Variants in IMMP2L observed in about 807,000 individuals in gnomAD.
The protein encoded by IMMP2L is inner mitochondrial membrane peptidase subunit 2, also known as mitochondrial inner membrane protease subunit 2.
In IMMP2L, 18 loss-of-function variants were observed where a neutral mutation model predicts 19.3. The observed-to-expected ratio is 0.93, with a 90% confidence interval of 0.64 to 1.38. IMMP2L has a LOEUF of 1.38. IMMP2L is among the 40% of genes most tolerant of loss of function. IMMP2L has a pLI of 0.00. For synonymous variants in IMMP2L, 76 were observed against 73.0 expected (o/e 1.04, Z -0.21); for missense variants, 233 against 218.2 (o/e 1.07, Z -0.43).
At chr7:111,061,186 A>G (rs950838395) in intron 3 of IMMP2L, among the ~76,000 whole-genome samples, 1 of 152,226 alleles carries the variant, frequency 6.6e-6, no homozygotes, top group Non-Finnish European at 1.5e-5. Flanking sequence ...TCAGTGGTGT[A>G]CATGGCATAC....
chr7:111,386,349 T>G (rs1006406491), intron 3 of IMMP2L, among the ~76,000 whole-genome samples: 2 of 152,186 alleles, frequency 1.3e-5, no homozygotes, highest in East Asian at 3.9e-4. Flanking sequence ...ATAAACTGAA[T>G]GTTTAAGATA....
chr7:110,893,169 T>A (rs1274780496), intron 4 of IMMP2L, among the ~76,000 whole-genome samples: 2 of 152,208 alleles, frequency 1.3e-5, no homozygotes, highest in Non-Finnish European at 2.9e-5. Context: ...AATAACATTA[T>A]ATCTAAAAAT....
chr7:110,693,546 T>C (rs1017069910), intron 5 of IMMP2L, among the ~76,000 whole-genome samples: 2 of 152,190 alleles, frequency 1.3e-5, no homozygotes, highest in Non-Finnish European at 2.9e-5. Context: ...TGCTGTATCC[T>C]GAGTGCCTAG....
intron 3 of IMMP2L, among the ~76,000 whole-genome samples, chr7:111,216,382 G>C (rs1811922933): frequency 6.6e-6 from 1 of 152,114 alleles, no homozygotes; most frequent in South Asian, 2.1e-4. Flanking sequence ...TTGAATTTTA[G>C]TTTTGGAATA....
At position 110,663,598 on chromosome 7, in the gene IMMP2L, G is replaced by A. The variant is rs1402124283; in HGVS notation, c.*4C>T. ...ATGCCAGCAACTCAGGTAGATTCAT[G>A]CAGTCATTCCTCTTCTCTCTGTACT... On this transcript the variant is annotated 3_prime_UTR_variant, in exon 6 of 6. Coordinates refer to ENST00000405709, the MANE Select transcript of IMMP2L (RefSeq NM_032549.4). 3 of 1,613,270 alleles carry A rather than the reference G, an allele frequency of 1.9e-6. No homozygotes were observed. Among genetic ancestry groups the A allele is most frequent in the Non-Finnish European group, 2.5e-6 (3 of 1,179,492 alleles).
intron 1 of IMMP2L, among the ~76,000 whole-genome samples, chr7:111,537,525 C>T (rs933598415): frequency 2.2e-5 from 3 of 134,614 alleles, no homozygotes; most frequent in Non-Finnish European, 3.2e-5. Context: ...TCATCACTTC[C>T]ACTTTTTTTT....
At chr7:111,288,104 T>C (rs1332008213) in intron 3 of IMMP2L, among the ~76,000 whole-genome samples, 5 of 152,160 alleles carry the variant, frequency 3.3e-5, no homozygotes, top group Admixed American at 3.3e-4. Context: ...CTTACTGTTG[T>C]TTCCAATGCA....
chr7:111,141,147 A>T lies in IMMP2L; in HGVS notation c.240-177582T>A, dbSNP rs1053742318. ...CTCTGGGGTGACTGGGGATGGAGAA[A>T]GCAAAAGAGAATCAATAAAATTAAC... On this transcript the variant is annotated intron_variant, in intron 3 of 5. Transcript: ENST00000405709. Among the ~76,000 whole-genome samples, 12 of 152,288 alleles carry T rather than the reference A, an allele frequency of 7.9e-5. No individual in the cohort carries two copies. In the East Asian group the frequency reaches 2.3e-3, roughly 29 times the overall value.
At chr7:111,254,082 T>C (rs1482995009) in intron 3 of IMMP2L, among the ~76,000 whole-genome samples, 1 of 152,158 alleles carries the variant, frequency 6.6e-6, no homozygotes, top group Non-Finnish European at 1.5e-5. Context: ...TCAAGTTACC[T>C]CTTATTTGAG....
At chr7:111,393,448 C>T (rs545002347) in intron 3 of IMMP2L, among the ~76,000 whole-genome samples, 53 of 152,178 alleles carry the variant, frequency 3.5e-4, no homozygotes, top group African/African-American at 1.3e-3. Flanking sequence ...TCAAGTTTTG[C>T]ACCAAACAAT....
In IMMP2L at chr7:111,020,325, A is replaced by G. The variant is rs571391038; in HGVS notation, c.240-56760T>C. 2.6e-5 allele frequency among the ~76,000 whole-genome samples: 4 copies of G among 152,282 alleles called. No individual in the cohort carries two copies. The South Asian group carries it at 8.3e-4, about 32-fold the overall frequency. On this transcript the variant is annotated intron_variant, in intron 3 of 5. Transcript: ENST00000405709. The stretch of plus-strand genomic sequence containing the variant: ...CTTGAACCCAGGAGGCGAAGGTTGC[A>G]GTGAGCTGAGATCGCACCATGGCAC...
intron 3 of IMMP2L, among the ~76,000 whole-genome samples, chr7:111,129,903 A>G (rs1029766347): frequency 6.6e-6 from 1 of 152,160 alleles, no homozygotes; most frequent in African/African-American, 2.4e-5. Context: ...AAGAGAAAAA[A>G]CTTTTAAAAA....
chr7:110,989,531 C>CA (rs778163183), intron 3 of IMMP2L, among the ~76,000 whole-genome samples: 2,440 of 60,364 alleles, frequency 0.04, 13 homozygotes, highest in Non-Finnish European at 0.055. Flanking sequence ...CTCTGTCTCC[C>CA]AAAAAAAAAA....
chr7:110,772,234 G>A (rs896194815), intron 5 of IMMP2L, among the ~76,000 whole-genome samples: 3 of 152,094 alleles, frequency 2.0e-5, no homozygotes, highest in African/African-American at 7.2e-5. Context: ...ATTGAGAATG[G>A]TGATCCATGA....
At chr7:110,749,126 C>T (rs1345231711) in intron 5 of IMMP2L, among the ~76,000 whole-genome samples, 1 of 152,114 alleles carries the variant, frequency 6.6e-6, no homozygotes, top group African/African-American at 2.4e-5. Flanking sequence ...ATTTATGCAA[C>T]CAACAAACAT....
At chr7:110,927,635 G>C (rs1478333936) in intron 4 of IMMP2L, among the ~76,000 whole-genome samples, 1 of 152,092 alleles carries the variant, frequency 6.6e-6, no homozygotes, top group African/African-American at 2.4e-5. Context: ...AAGGTGGGAA[G>C]CTTCTAGATT....
chr7:111,437,724 TATTG>T (rs1837323413), intron 3 of IMMP2L, among the ~76,000 whole-genome samples: 1 of 151,954 alleles, frequency 6.6e-6, no homozygotes, highest in South Asian at 2.1e-4. Flanking sequence ...CTATCTTATT[TATTG>T]ATTATCTGTC....
At chr7:110,876,778 C>G (rs1260851796) in intron 5 of IMMP2L, among the ~76,000 whole-genome samples, 1 of 152,048 alleles carries the variant, frequency 6.6e-6, no homozygotes, top group Non-Finnish European at 1.5e-5. Flanking sequence ...CATTTCCAAT[C>G]TAATCTTTCA....
At chr7:110,881,736 T>C (rs1357253771) in intron 5 of IMMP2L, among the ~76,000 whole-genome samples, 2 of 152,232 alleles carry the variant, frequency 1.3e-5, no homozygotes, top group Admixed American at 1.3e-4. Flanking sequence ...AAATTCATTC[T>C]CGTGTATCAC....
Sources: gnomAD v4.1 joint callset for allele counts (sites outside exome capture counted in the v4.1 genomes callset) on GRCh38, gnomAD v4.1.1 for gene constraint, MANE v1.5 for transcripts, NCBI Gene and HGNC (gene_info 2026-07-23, HGNC 2026-07-21) for gene names.